LRRC36: variants seen among roughly 807,000 people sequenced by gnomAD.
The protein encoded by LRRC36 is leucine-rich repeat-containing protein 36.
In LRRC36, 62 loss-of-function variants were observed where a neutral mutation model predicts 81.1. That is an observed-to-expected ratio of 0.76 (90% CI 0.62 to 0.94). The LOEUF is 0.94. Among genes scored for constraint, LRRC36 ranks in the 40% least tolerant of loss-of-function variants. The probability of loss-of-function intolerance (pLI) is 0.00; values close to 1 mark genes in which losing one functional copy is unlikely to be tolerated. For synonymous variants in LRRC36, 334 were observed against 348.6 expected (o/e 0.96, Z 0.47); for missense variants, 761 against 881.7 (o/e 0.86, Z 1.73).
rs1360742914 is a variant in LRRC36 at position 67,342,059 on chromosome 16, C to T, written c.173C>T (p.Ser58Leu). 6.2e-7 allele frequency: 1 copy of T among 1,608,596 alleles called. No individual in the cohort carries two copies. Among genetic ancestry groups the T allele is most frequent in the Non-Finnish European group, 8.5e-7 (1 of 1,176,228 alleles). Residue 58 changes from serine to leucine, a missense_variant, in exon 2 of 14, where the codon TCA (serine) becomes TTA (leucine). Physicochemically the swap from Ser to Leu is moderately radical, Grantham distance 145. This residue lies in a region of LRRC36 where 263 missense variants were observed against 279.3 expected (regional missense o/e 0.94). Transcript: ENST00000329956. ...NFKNLRSLDL[S>L]RNLITSLKGI... ...AAAAATCTCCGATCCTTAGATTTAT[C>T]AAGGAATTTGATCACTAGCCTTAAG...
chr16:67,345,129 T>C (rs180892226), intron 2 of LRRC36, among the ~76,000 whole-genome samples: 6 of 152,048 alleles, frequency 3.9e-5, no homozygotes, highest in African/African-American at 1.4e-4. Context: ...CTGGGCAACA[T>C]AGTGAGACAT....
At chr16:67,378,235 C>CTTTTTTTTTTTTTTTTTTT (rs1015471341) in intron 11 of LRRC36, among the ~76,000 whole-genome samples, 3 of 100,484 alleles carry the variant, frequency 3.0e-5, no homozygotes, top group African/African-American at 4.7e-5. Context: ...ATGTCAGATT[C>CTTTTTTTTTTTTTTTTTTT]TTTTTTTTTT....
At chr16:67,340,410 C>T (rs1313835523) in intron 1 of LRRC36, among the ~76,000 whole-genome samples, 1 of 152,006 alleles carries the variant, frequency 6.6e-6, no homozygotes. Flanking sequence ...GTAATCCCAG[C>T]ACTTTGGGAG....
At chr16:67,381,093 A>G (rs1439973580) in intron 12 of LRRC36, among the ~76,000 whole-genome samples, 2 of 152,020 alleles carry the variant, frequency 1.3e-5, no homozygotes, top group Non-Finnish European at 2.9e-5. Flanking sequence ...GCGTGGTGGC[A>G]TGTGCCTATA....
chr16:67,346,605 G>A (rs1483066386), intron 3 of LRRC36, among the ~76,000 whole-genome samples, 157 bp downstream of exon 3: 1 of 152,104 alleles, frequency 6.6e-6, no homozygotes, highest in East Asian at 1.9e-4. Context: ...GATGTATGAC[G>A]AGTTCTTTTA....
intron 12 of LRRC36, among the ~76,000 whole-genome samples, chr16:67,381,230 GAAAA>G (rs1179228134): frequency 7.3e-5 from 3 of 41,112 alleles, no homozygotes; most frequent in East Asian, 9.5e-4. Context: ...CTCTGCCTCA[GAAAA>G]AAAAAAAAAA....
Position 67,326,938 on chromosome 16 carries a change from G to T in LRRC36, c.70+6G>T. On this transcript the variant is annotated splice_donor_region_variant and intron_variant, in intron 1 of 13. Transcript: ENST00000329956. ...GCTGACGCTGGAGCAGCCGGGTAGG[G>T]TCTGGCCGGGAGGGTGTGGACTGGG... 1 of 1,501,054 alleles carries T rather than the reference G, an allele frequency of 6.7e-7. No individual in the cohort carries two copies. Among genetic ancestry groups the T allele is most frequent in the Admixed American group, 2.6e-5 (1 of 39,088 alleles). The allele number at this position is 1,501,054 out of a possible 1,614,324, so 93.0% of individuals were successfully genotyped here. A position where few individuals can be genotyped will look rare whatever the true frequency, so the allele number is the denominator to read the frequency against.
chr16:67,376,678 G>A, intron 10 of LRRC36, 49 bp from the exon 11 acceptor site: 1 of 1,582,612 alleles, frequency 6.3e-7, no homozygotes, highest in Non-Finnish European at 8.6e-7. Context: ...GGAATGCTGT[G>A]CCTTAGCTTT....
At chr16:67,338,769 A>G (rs569609495) in intron 1 of LRRC36, among the ~76,000 whole-genome samples, 5 of 151,248 alleles carry the variant, frequency 3.3e-5, no homozygotes, top group Middle Eastern at 3.4e-3. Flanking sequence ...ATCATCATCA[A>G]TGTCATTTGA....
intron 1 of LRRC36, among the ~76,000 whole-genome samples, chr16:67,331,361 A>C (rs1028055070): frequency 8.6e-5 from 13 of 151,758 alleles, no homozygotes; most frequent in African/African-American, 3.1e-4. Flanking sequence ...CTGTCTCTAC[A>C]AAAAATTTAA....
chr16:67,367,201 G>A lies in LRRC36; in HGVS notation c.939G>A (p.Val313=). ...CCTCATTGAGTAAATGCCTGGATGT[G>A]GGTGATTCTAGCCAGATCCATCCCT... ...HDASLSKCLD[V]GDSSQIHPYQ... Residue 313 remains valine (V), a synonymous_variant, in exon 8 of 14, where the codon GTG becomes GTA. Transcript: ENST00000329956. 2 of 1,614,150 alleles carry A rather than the reference G, an allele frequency of 1.2e-6. No homozygotes were observed. Among genetic ancestry groups the A allele is most frequent in the Non-Finnish European group, 1.7e-6 (2 of 1,180,030 alleles).
chr16:67,346,430 C>A lies in LRRC36; in HGVS notation c.373C>A (p.Gln125Lys). ...DYRLFAVYTL[Q>K]TLEKLDDRTV... The stretch of plus-strand genomic sequence containing the variant: ...TAGGCTCTTTGCTGTATATACACTA[C>A]AAACTCTGGAGAAATTAGGTAAGAC... The change falls in exon 3 of 14, where the codon CAA (glutamine) becomes AAA (lysine). Residue 125 changes from glutamine to lysine, a missense_variant. Gln to Lys is a moderately conservative substitution (Grantham distance 53). Transcript: ENST00000329956. The A allele has an allele frequency of 1.3e-6, 2 of 1,581,910 alleles. No homozygotes were observed. Among genetic ancestry groups the A allele is most frequent in the Non-Finnish European group, 1.7e-6 (2 of 1,159,248 alleles).
chr16:67,351,518 C>T (rs565932697), intron 5 of LRRC36, among the ~76,000 whole-genome samples: 7 of 152,128 alleles, frequency 4.6e-5, no homozygotes, highest in Non-Finnish European at 7.4e-5. Flanking sequence ...ACCTGCCTGG[C>T]CAACATGGCA....
At chr16:67,366,942 G>A (rs2039422897) in intron 7 of LRRC36, 75 bp from the exon 8 acceptor site, 4 of 1,149,384 alleles carry the variant, frequency 3.5e-6, no homozygotes, top group Non-Finnish European at 5.0e-6. Flanking sequence ...AATATGTTCA[G>A]TGAACAGAGG....
intron 5 of LRRC36, among the ~76,000 whole-genome samples, chr16:67,356,215 C>T (rs2038897436): frequency 6.6e-6 from 1 of 152,190 alleles, no homozygotes; most frequent in Admixed American, 6.5e-5. Context: ...ACCACAGCCA[C>T]CCTCAGTGGC....
At chr16:67,341,424 T>C (rs2038076916) in intron 1 of LRRC36, among the ~76,000 whole-genome samples, 2 of 151,456 alleles carry the variant, frequency 1.3e-5, no homozygotes, top group South Asian at 4.2e-4. Context: ...ATGAGGAAAC[T>C]GATGCACAAA....
At chr16:67,360,182 T>A (rs957758000) in intron 5 of LRRC36, among the ~76,000 whole-genome samples, 1 of 151,404 alleles carries the variant, frequency 6.6e-6, no homozygotes, top group South Asian at 2.1e-4. Context: ...CAGGTACTCA[T>A]TGGGGGCTGT....
At chr16:67,349,789 C>T (rs1415336999) in intron 4 of LRRC36, among the ~76,000 whole-genome samples, 3 of 151,016 alleles carry the variant, frequency 2.0e-5, no homozygotes, top group African/African-American at 7.3e-5. Context: ...GAGACAGAGT[C>T]TTGCTCTGTC....
intron 1 of LRRC36, among the ~76,000 whole-genome samples, chr16:67,332,377 C>T (rs1055746695): frequency 6.6e-6 from 1 of 152,142 alleles, no homozygotes; most frequent in Non-Finnish European, 1.5e-5. Flanking sequence ...CATGATGAAA[C>T]CCTGTCTCTA....
Sources: allele counts gnomAD v4.1 joint callset (sites outside exome capture counted in the v4.1 genomes callset), GRCh38; gene constraint gnomAD v4.1.1; regional missense constraint gnomAD v4.1.1; transcripts MANE v1.5; gene names NCBI Gene and HGNC (gene_info 2026-07-23, HGNC 2026-07-21).